The following SYT14 variants were observed in gnomAD, a reference collection of about 807,000 sequenced individuals.
The protein encoded by SYT14 is synaptotagmin 14.
Under a neutral mutation model 74.2 loss-of-function variants are expected in SYT14, and 32 were observed. The ratio of observed to expected loss-of-function variants is 0.43; its 90% confidence interval spans 0.33 to 0.58. The LOEUF is 0.58. SYT14 is among the 20% of genes least tolerant of loss of function. The probability of loss-of-function intolerance (pLI) is 0.05; values close to 1 mark genes in which losing one functional copy is unlikely to be tolerated. For missense variants in SYT14, 791 were observed against 981.8 expected, an observed-to-expected ratio of 0.81 and a Z score of 2.60; for synonymous variants, 298 against 337.7, an observed-to-expected ratio of 0.88 and a Z score of 1.29.
rs2082113023 is a variant in SYT14, at chr1:210,103,769, A to G, written c.2034+3308A>G. Among the ~76,000 whole-genome samples, 6 of 152,292 alleles carry G rather than the reference A, an allele frequency of 3.9e-5. No individual in the cohort carries two copies. The South Asian group carries it at 1.2e-3, about 32-fold the overall frequency. Reference sequence around the variant, plus strand: ...CCAAGTGATCTCTAAAGGCCTATCCATCTCTGATATTGTCTAATTATGCTA... The same window carrying G: ...CCAAGTGATCTCTAAAGGCCTATCCGTCTCTGATATTGTCTAATTATGCTA... On this transcript the variant is annotated intron_variant, in intron 7 of 9. Transcript: ENST00000637265.
At chr1:210,091,656 A>T (rs2081870186) in intron 5 of SYT14, among the ~76,000 whole-genome samples, 1 of 152,146 alleles carries the variant, frequency 6.6e-6, no homozygotes, top group South Asian at 2.1e-4. Context: ...CTGGATCATG[A>T]ACTGGATCAT....
chr1:210,122,681 A>G (rs1433649449), intron 7 of SYT14, among the ~76,000 whole-genome samples: 1 of 152,002 alleles, frequency 6.6e-6, no homozygotes, highest in Non-Finnish European at 1.5e-5. Context: ...AACAGACCAC[A>G]TGCCACATTC....
chr1:210,037,609 A>G (rs1572195284), intron 5 of SYT14, among the ~76,000 whole-genome samples: 1 of 150,736 alleles, frequency 6.6e-6, no homozygotes, highest in African/African-American at 2.4e-5. Context: ...CTTTTGCTGT[A>G]TCTCAGAGGT....
chr1:210,022,464 G>A (rs568102446), intron 5 of SYT14, among the ~76,000 whole-genome samples: 16 of 152,286 alleles, frequency 1.1e-4, no homozygotes, highest in East Asian at 1.9e-4. Flanking sequence ...ATAATACAAA[G>A]CAGTAAAACC....
intron 7 of SYT14, among the ~76,000 whole-genome samples, chr1:210,131,019 A>T (rs575361388): frequency 6.6e-6 from 1 of 152,332 alleles, no homozygotes; most frequent in Admixed American, 6.5e-5. Flanking sequence ...TTAACGTTTA[A>T]GAAAGGAAAT....
chr1:210,120,754 T>G (rs982627998), intron 7 of SYT14, among the ~76,000 whole-genome samples: 2 of 152,202 alleles, frequency 1.3e-5, no homozygotes, highest in African/African-American at 4.8e-5. Context: ...ATAAGATATA[T>G]TTTACTTTAT....
intron 5 of SYT14, among the ~76,000 whole-genome samples, chr1:210,036,764 T>C (rs2080672938): frequency 6.6e-6 from 1 of 152,008 alleles, no homozygotes; most frequent in Non-Finnish European, 1.5e-5. Context: ...ACTATCCTTA[T>C]ATCCCTGAAA....
intron 2 of SYT14, among the ~76,000 whole-genome samples, 167 bp from the exon 3 acceptor site, chr1:210,013,466 A>C (rs1027566809): frequency 4.6e-5 from 7 of 152,272 alleles, no homozygotes; most frequent in South Asian, 2.1e-4. Flanking sequence ...AACTGTCATC[A>C]AACTTTGCAG....
At chr1:209,972,803 C>T (rs1014142803) in intron 2 of SYT14, among the ~76,000 whole-genome samples, 5 of 152,166 alleles carry the variant, frequency 3.3e-5, no homozygotes, top group South Asian at 4.2e-4. Flanking sequence ...TGTGTGCAAA[C>T]AAGAAGAATG....
chr1:210,041,484 C>A (rs948333390), intron 5 of SYT14, among the ~76,000 whole-genome samples: 1 of 152,064 alleles, frequency 6.6e-6, no homozygotes, highest in African/African-American at 2.4e-5. Flanking sequence ...CTAAAGGAAG[C>A]ATGCATGTGG....
intron 2 of SYT14, among the ~76,000 whole-genome samples, chr1:209,979,652 G>C (rs2079444111): frequency 6.6e-6 from 1 of 151,836 alleles, no homozygotes; most frequent in Non-Finnish European, 1.5e-5. Context: ...CCCCACCATG[G>C]GTCCATATGT....
intron 5 of SYT14, among the ~76,000 whole-genome samples, chr1:210,035,583 A>T (rs369879937): frequency 1.9e-4 from 29 of 151,786 alleles, no homozygotes; most frequent in African/African-American, 6.3e-4. Context: ...TCTTGAGATA[A>T]TTTTTTTATG....
At chr1:210,082,593 A>G (rs888530270) in intron 5 of SYT14, among the ~76,000 whole-genome samples, 1 of 152,234 alleles carries the variant, frequency 6.6e-6, no homozygotes, top group Non-Finnish European at 1.5e-5. Context: ...CTTAGAGCCT[A>G]CTTAGCCTGA....
chr1:209,987,393 G>A (rs764424105), intron 2 of SYT14, among the ~76,000 whole-genome samples: 3 of 152,210 alleles, frequency 2.0e-5, no homozygotes, highest in Non-Finnish European at 2.9e-5. Flanking sequence ...TTCAGCTTCT[G>A]TAGAGGCCTC....
At chr1:210,027,596 C>T (rs571578525) in intron 5 of SYT14, among the ~76,000 whole-genome samples, 8 of 152,242 alleles carry the variant, frequency 5.3e-5, no homozygotes, top group Admixed American at 5.2e-4. Context: ...TAACTACACT[C>T]GCACAGTTCA....
exon 10 of SYT14, chr1:210,164,738 C>T (rs1198510568): frequency 6.6e-6 from 1 of 152,076 alleles, no homozygotes; most frequent in Non-Finnish European, 1.5e-5. Flanking sequence ...AGACAATTCA[C>T]AGATTTTTCA....
chr1:210,116,594 C>T (rs1377758370), intron 7 of SYT14, among the ~76,000 whole-genome samples: 2 of 152,134 alleles, frequency 1.3e-5, no homozygotes, highest in Admixed American at 6.5e-5. Context: ...TGATCTGCCC[C>T]CCTTGGCCTC....
In SYT14 at chr1:210,016,794, A is replaced by G. The variant is rs1173349013; in HGVS notation, c.791A>G (p.Glu264Gly). The G allele has an allele frequency of 5.7e-6, 7 of 1,231,688 alleles. No individual in the cohort carries two copies. In the South Asian group the frequency reaches 2.5e-4, roughly 43 times the overall value. 76.3% of individuals were successfully genotyped at this position (1,231,688 alleles called of 1,614,324 possible). ...CATTCAGATCATTTAAAGAAAGCTGAAAAATGTGTTAAAAGTAAAGCATCC... is the reference window on the plus strand; with the variant it reads ...CATTCAGATCATTTAAAGAAAGCTGGAAAATGTGTTAAAAGTAAAGCATCC... The change falls in exon 4 of 10, where the codon GAA (glutamate) becomes GGA (glycine). Residue 264 changes from glutamate to glycine, a missense_variant. Physicochemically the swap from Glu to Gly is moderately conservative, Grantham distance 98 (BLOSUM62 -2). Coordinates refer to ENST00000637265, the Ensembl canonical transcript of SYT14.
intron 2 of SYT14, 151 bp downstream of exon 2, chr1:209,952,907 A>G: frequency 9.5e-7 from 1 of 1,056,766 alleles, no homozygotes. Flanking sequence ...AGCATTAGTA[A>G]AGTGCATATT....
Sources: gnomAD v4.1 joint callset for allele counts (sites outside exome capture counted in the v4.1 genomes callset) on GRCh38, gnomAD v4.1.1 for gene constraint, MANE v1.5 for transcripts, NCBI Gene and HGNC (gene_info 2026-07-23, HGNC 2026-07-21) for gene names.